The following NCAM1 variants were observed in gnomAD, a reference collection of about 807,000 sequenced individuals.
NCAM1 encodes neural cell adhesion molecule 1.
NCAM1 carries 14 observed loss-of-function variants against 109.8 expected under a neutral mutation model. That is an observed-to-expected ratio of 0.13 (90% CI 0.08 to 0.20). NCAM1 has a LOEUF of 0.20. NCAM1 is among the 10% of genes least tolerant of loss of function. NCAM1 has a pLI of 1.00. For synonymous variants in NCAM1, 418 were observed against 442.9 expected (o/e 0.94, Z 0.70); for missense variants, 774 against 1,109.9 (o/e 0.70, Z 4.30).
intron 4 of NCAM1, 138 bp downstream of exon 4, chr11:113,205,804 T>C (rs1944218942): frequency 8.0e-7 from 1 of 1,256,310 alleles, no homozygotes; most frequent in South Asian, 1.5e-5. Context: ...GGGTCCTGAA[T>C]AGATGCATAT....
At chr11:113,028,073 G>T (rs1952606459) in intron 1 of NCAM1, among the ~76,000 whole-genome samples, 1 of 152,166 alleles carries the variant, frequency 6.6e-6, no homozygotes. Context: ...CTGGGAAAAG[G>T]TTGGTCCGCT....
At chr11:113,109,938 A>G (rs1328678125) in intron 1 of NCAM1, among the ~76,000 whole-genome samples, 1 of 152,170 alleles carries the variant, frequency 6.6e-6, no homozygotes, top group Non-Finnish European at 1.5e-5. Flanking sequence ...CATTTTACAT[A>G]CATACATATA....
At chr11:113,124,204 T>C (rs1941084806) in intron 1 of NCAM1, among the ~76,000 whole-genome samples, 1 of 152,336 alleles carries the variant, frequency 6.6e-6, no homozygotes. Flanking sequence ...CTTCTTTGTC[T>C]TCTCTAGACT....
chr11:113,225,671 G>A (rs1313866300), intron 9 of NCAM1, among the ~76,000 whole-genome samples: 1 of 152,190 alleles, frequency 6.6e-6, no homozygotes, highest in African/African-American at 2.4e-5. Flanking sequence ...AATGTTAAGG[G>A]CAGCCAGAGA....
chr11:113,115,682 T>C (rs1555094711), intron 1 of NCAM1, among the ~76,000 whole-genome samples: 1 of 152,176 alleles, frequency 6.6e-6, no homozygotes, highest in African/African-American at 2.4e-5. Flanking sequence ...GTTACACATG[T>C]ATTCTTGGAT....
rs542438167 is a variant in NCAM1 at position 113,143,172 on chromosome 11, A to G, written c.53-59207A>G. ...TACCCAGTGCAATTATCCCTCCGAA[A>G]TGTATTATGTATTTTTTTCCCCAAA... On this transcript the variant is annotated intron_variant, in intron 1 of 19. Coordinates refer to ENST00000316851, the MANE Select transcript of NCAM1 (RefSeq NM_181351.5). Among the ~76,000 whole-genome samples, 3 of 151,518 alleles carry G rather than the reference A, an allele frequency of 2.0e-5. No homozygotes were observed. The East Asian group carries it at 5.8e-4, about 29-fold the overall frequency.
Position 113,036,525 on chromosome 11 carries a change from C to T in NCAM1, c.52+74861C>T, listed in dbSNP as rs559950057. Among the ~76,000 whole-genome samples the T allele has an allele frequency of 3.3e-5, 5 of 152,198 alleles. No homozygotes were observed. In the East Asian group the frequency reaches 7.8e-4, roughly 24 times the overall value. On this transcript the variant is annotated intron_variant, in intron 1 of 19. Transcript: ENST00000316851. ...CTCTGCCCTTTCTGTGTTGCCGTTGCCCCTGCCGCCTCTACTTTATAGATG... is the reference window on the plus strand; with the variant it reads ...CTCTGCCCTTTCTGTGTTGCCGTTGTCCCTGCCGCCTCTACTTTATAGATG...
chr11:113,080,138 C>T (rs1182167088), intron 1 of NCAM1, among the ~76,000 whole-genome samples: 5 of 151,992 alleles, frequency 3.3e-5, no homozygotes, highest in African/African-American at 4.8e-5. Flanking sequence ...TATAGGTTAT[C>T]GTTTTTTTTC....
At chr11:113,150,535 G>A (rs1396483156) in intron 1 of NCAM1, among the ~76,000 whole-genome samples, 2 of 152,166 alleles carry the variant, frequency 1.3e-5, no homozygotes, top group Non-Finnish European at 1.5e-5. Flanking sequence ...TCATTCATAT[G>A]CTAGCACCAA....
At chr11:113,198,635 C>T (rs1943931388) in intron 1 of NCAM1, among the ~76,000 whole-genome samples, 1 of 152,104 alleles carries the variant, frequency 6.6e-6, no homozygotes, top group Admixed American at 6.5e-5. Context: ...GCCACTGCGC[C>T]CGGCTGATGT....
intron 1 of NCAM1, among the ~76,000 whole-genome samples, chr11:112,978,246 T>TA (rs142430554): frequency 0.3 from 46,174 of 151,514 alleles, 8,053 homozygotes; most frequent in East Asian, 0.67. Context: ...AAATCTAAAT[T>TA]GGTGTTTAGG....
At chr11:112,985,961 G>C (rs540597153) in intron 1 of NCAM1, among the ~76,000 whole-genome samples, 1 of 152,006 alleles carries the variant, frequency 6.6e-6, no homozygotes, top group East Asian at 1.9e-4. Context: ...AACAGAAGTG[G>C]TAAGAATAGG....
rs948249 is a variant in NCAM1 at position 113,093,231 on chromosome 11, C to T, written c.53-109148C>T. ...AGCACCCTAGCTCCCAGATGGAGGC[C>T]GTAAGGTCAAGCAGCCAGCATGGAG... On this transcript the variant is annotated intron_variant, in intron 1 of 19. Coordinates refer to ENST00000316851, the MANE Select transcript of NCAM1 (RefSeq NM_181351.5). 2.8e-3 allele frequency among the ~76,000 whole-genome samples: 420 copies of T among 152,148 alleles called. 2 individuals are homozygous for T. Among genetic ancestry groups the T allele is most frequent in the African/African-American group, 9.2e-3 (382 of 41,512 alleles).
intron 1 of NCAM1, among the ~76,000 whole-genome samples, chr11:113,003,107 T>C (rs1487612577): frequency 6.6e-6 from 1 of 152,248 alleles, no homozygotes; most frequent in East Asian, 1.9e-4. Context: ...AACTTCATCA[T>C]CATTTAGAAG....
intron 1 of NCAM1, among the ~76,000 whole-genome samples, chr11:113,158,003 A>C (rs1226869127): frequency 1.3e-5 from 2 of 152,164 alleles, no homozygotes; most frequent in African/African-American, 4.8e-5. Context: ...GTTCATTAAA[A>C]TTTGGTTGCA....
Position 113,273,798 on chromosome 11 carries a change from T to C in NCAM1, c.2457-1469T>C, listed in dbSNP as rs1555126020. On this transcript the variant is annotated intron_variant, in intron 19 of 19. Transcript: ENST00000316851. The surrounding 1 kb of genome is among the most constrained non-coding windows in gnomAD (Gnocchi z 6.0). ...CATCGGGTTGTGTCCTGTGGTGGTGTGCATTTGTGCTGTGCTGTGTCCTCC... is the reference window on the plus strand; with the variant it reads ...CATCGGGTTGTGTCCTGTGGTGGTGCGCATTTGTGCTGTGCTGTGTCCTCC... The C allele has an allele frequency of 1.1e-5, 4 of 379,490 alleles. No individual in the cohort carries two copies. The highest frequency in any genetic ancestry group is 5.8e-5 in the Admixed American group (2 of 34,768). 23.5% of individuals were successfully genotyped at this position (379,490 alleles called of 1,614,324 possible). A position where few individuals can be genotyped will look rare whatever the true frequency, so the allele number is the denominator to read the frequency against.
At chr11:113,056,015 ATATAT>A in intron 1 of NCAM1, among the ~76,000 whole-genome samples, 1 of 121,852 alleles carries the variant, frequency 8.2e-6, no homozygotes, top group South Asian at 2.6e-4. Context: ...ATATATATAT[ATATAT>A]ATATAAAATA....
intron 1 of NCAM1, among the ~76,000 whole-genome samples, chr11:113,057,010 A>G (rs1259323256): frequency 9.2e-5 from 14 of 152,182 alleles, no homozygotes; most frequent in Non-Finnish European, 1.0e-4. Context: ...TGCCAGAGAA[A>G]CAAAGAATAC....
chr11:113,151,090 T>C lies in NCAM1; in HGVS notation c.53-51289T>C, dbSNP rs117844202. 6.5e-3 allele frequency among the ~76,000 whole-genome samples: 989 copies of C among 152,318 alleles called. 18 individuals are homozygous for C. Among genetic ancestry groups the C allele is most frequent in the East Asian group, 0.03 (154 of 5,186 alleles). ...GTGCAAAGCCAGGTAATGGTGCTTG[T>C]GCTCCTCAGTGGGACCTCATGAGCC... On this transcript the variant is annotated intron_variant, in intron 1 of 19. Transcript: ENST00000316851.
Sources: allele counts gnomAD v4.1 joint callset (sites outside exome capture counted in the v4.1 genomes callset), GRCh38; gene constraint gnomAD v4.1.1; non-coding constraint Gnocchi (gnomAD v3.1); transcripts MANE v1.5; gene names NCBI Gene and HGNC (gene_info 2026-07-23, HGNC 2026-07-21).